CFAP70: variants seen among roughly 807,000 people sequenced by gnomAD.
CFAP70 encodes cilia and flagella associated protein 70, also known as cilia- and flagella-associated protein 70.
In CFAP70, 81 loss-of-function variants were observed where a neutral mutation model predicts 137.6. That is an observed-to-expected ratio of 0.59 (90% confidence interval 0.49 to 0.71). The LOEUF (loss-of-function observed/expected upper bound fraction) is 0.71, where lower values mean the gene tolerates loss of function less well. Ranked by LOEUF, CFAP70 falls within the 30% of genes least tolerant of loss-of-function variation. The probability of loss-of-function intolerance (pLI) is 0.00; values close to 1 mark genes in which losing one functional copy is unlikely to be tolerated. For missense variants in CFAP70, 976 were observed against 1,226.7 expected, an observed-to-expected ratio of 0.80 and a Z score of 3.05; for synonymous variants, 382 against 423.6, an observed-to-expected ratio of 0.90 and a Z score of 1.20.
exon 6 of CFAP70, chr10:73,341,406 T>C: frequency 6.2e-7 from 1 of 1,611,438 alleles, no homozygotes; most frequent in Non-Finnish European, 8.5e-7. Context: ...CACCTCAGGA[T>C]GGTTGAGTTC....
Position 73,275,402 on chromosome 10 carries a change from A to G in CFAP70, c.2673+44T>C. 3 of 1,535,708 alleles carry G rather than the reference A, an allele frequency of 2.0e-6. No homozygotes were observed. Among genetic ancestry groups the G allele is most frequent in the Non-Finnish European group, 1.7e-6 (2 of 1,146,162 alleles). ...GATATGGCATCACCACCTTTAAATA[A>G]AGCCCCTTCTCCAGACTCAAGAGGC... On this transcript the variant is annotated intron_variant, in intron 22 of 26. Transcript: ENST00000310715. This position sits in a 1 kb window ranked among gnomAD's most constrained non-coding sequence, Gnocchi z 4.0.
chr10:73,277,822 C>G (rs2046901034), intron 20 of CFAP70, among the ~76,000 whole-genome samples: 1 of 152,220 alleles, frequency 6.6e-6, no homozygotes, highest in Non-Finnish European at 1.5e-5. Context: ...TAGCAATGGT[C>G]CCCAAAAAGG....
Position 73,323,116 on chromosome 10 carries a change from A to C in CFAP70, c.778-19T>G. 6.2e-7 allele frequency: 1 copy of C among 1,600,900 alleles called. No individual in the cohort carries two copies. The highest frequency in any genetic ancestry group is 8.5e-7 in the Non-Finnish European group (1 of 1,175,086). On this transcript the variant is annotated intron_variant, in intron 8 of 26. Transcript: ENST00000310715. The stretch of plus-strand genomic sequence containing the variant: ...CATCAGTCTAAAGGAATAAAACCAG[A>C]GAGTTGTTAGTGCTATAAGCAATGT...
At chr10:73,312,567 G>A (rs766866421) in exon 10 of CFAP70, 2 of 1,611,916 alleles carry the variant, frequency 1.2e-6, no homozygotes, top group Non-Finnish European at 1.7e-6. Context: ...GGACAGCAGA[G>A]AATTAATTCC....
chr10:73,347,957 T>C (rs560436714), intron 4 of CFAP70, among the ~76,000 whole-genome samples, 199 bp downstream of exon 5: 1 of 152,364 alleles, frequency 6.6e-6, no homozygotes, highest in African/African-American at 2.4e-5. Context: ...CACTGGGTTA[T>C]AGTCTATGAT....
chr10:73,277,331 A>G, exon 21 of CFAP70: 1 of 1,614,120 alleles, frequency 6.2e-7, no homozygotes, highest in Non-Finnish European at 8.5e-7. Context: ...GGGATGCAGA[A>G]GAGCTGATGA....
intron 9 of CFAP70, among the ~76,000 whole-genome samples, chr10:73,315,314 C>A (rs1165810684): frequency 6.6e-6 from 1 of 151,616 alleles, no homozygotes; most frequent in Non-Finnish European, 1.5e-5. Flanking sequence ...GATTTTACAT[C>A]ATTAGTAGTT....
intron 3 of CFAP70, among the ~76,000 whole-genome samples, chr10:73,350,232 C>T (rs531898776): frequency 5.3e-5 from 8 of 152,252 alleles, no homozygotes; most frequent in Admixed American, 3.9e-4. Context: ...TGTTTTATTC[C>T]TCATAGTATT....
In CFAP70 at chr10:73,348,782, G is replaced by A. The variant is rs563012809; in HGVS notation, c.251-261C>T. Among the ~76,000 whole-genome samples the A allele has an allele frequency of 4.6e-5, 7 of 152,292 alleles. No individual in the cohort carries two copies. In the East Asian group the frequency reaches 5.8e-4, roughly 13 times the overall value. ...ATGCATGTGTATAAAAGTAACTGAG[G>A]CTGGGCGTGGTGGCTCACACCTGTA... On this transcript the variant is annotated intron_variant, in intron 3 of 26. Transcript: ENST00000310715.
At chr10:73,353,285 G>A (rs1281289965) in intron 3 of CFAP70, among the ~76,000 whole-genome samples, 4 of 152,128 alleles carry the variant, frequency 2.6e-5, no homozygotes, top group Admixed American at 2.0e-4. Context: ...AAGGTTTTCT[G>A]TCCTTGTGAG....
chr10:73,257,574 G>C (rs989460540), intron 25 of CFAP70, among the ~76,000 whole-genome samples: 8 of 152,178 alleles, frequency 5.3e-5, no homozygotes, highest in Admixed American at 4.6e-4. Flanking sequence ...TCTGATTAAT[G>C]CTAGTCCATA....
At chr10:73,272,357 A>G (rs531574753) in intron 24 of CFAP70, among the ~76,000 whole-genome samples, 1 of 152,204 alleles carries the variant, frequency 6.6e-6, no homozygotes, top group African/African-American at 2.4e-5. Flanking sequence ...AAATAAATAA[A>G]TAAATAAATA....
chr10:73,255,091 T>C (rs2044337732), intron 26 of CFAP70, among the ~76,000 whole-genome samples: 1 of 152,060 alleles, frequency 6.6e-6, no homozygotes, highest in South Asian at 2.1e-4. Flanking sequence ...AGCAAAACCC[T>C]GTCTCTATGA....
intron 7 of CFAP70, among the ~76,000 whole-genome samples, chr10:73,335,065 T>C (rs571669544): frequency 0.089 from 12,791 of 143,692 alleles, 663 homozygotes; most frequent in East Asian, 0.27. Flanking sequence ...TTCTTCTTTT[T>C]TTTTTTTTTT....
At position 73,299,679 on chromosome 10, in the gene CFAP70, GA is replaced by G. The variant is rs1564806686; in HGVS notation, c.1257-15del. On this transcript the variant is annotated splice_polypyrimidine_tract_variant and intron_variant, in intron 12 of 26. Coordinates refer to ENST00000310715, the Ensembl canonical transcript of CFAP70. ...ATTTCCTTGACCCTGTATCAGGAAA[GA>G]AAAAAAATAAAAAAACAAAAAAAAA... 9.4e-6 allele frequency: 15 copies of G among 1,589,598 alleles called. No individual in the cohort carries two copies. The highest frequency in any genetic ancestry group is 5.7e-5 in the South Asian group (5 of 87,052).
rs981042403 is a variant in CFAP70, at chr10:73,324,898, T to C, written c.778-1801A>G. Among the ~76,000 whole-genome samples, 874 of 152,290 alleles carry C rather than the reference T, an allele frequency of 5.7e-3. 8 individuals are homozygous for C. Among genetic ancestry groups the C allele is most frequent in the African/African-American group, 0.02 (822 of 41,552 alleles). Reference sequence around the variant, plus strand: ...AAGTGACAGGGAGAATGGAACCAAGTTGGAAAACACTCTGCAGGATATCAT... The same window carrying C: ...AAGTGACAGGGAGAATGGAACCAAGCTGGAAAACACTCTGCAGGATATCAT... On this transcript the variant is annotated intron_variant, in intron 8 of 26. Coordinates refer to ENST00000310715, the Ensembl canonical transcript of CFAP70.
chr10:73,323,273 G>A (rs2051044862), intron 8 of CFAP70, among the ~76,000 whole-genome samples, 176 bp from the exon 10 acceptor site: 1 of 140,572 alleles, frequency 7.1e-6, no homozygotes, highest in Admixed American at 7.8e-5. Flanking sequence ...CTTCAAAATG[G>A]GTTTAATAAT....
At chr10:73,255,799 C>G (rs1029607989) in intron 26 of CFAP70, among the ~76,000 whole-genome samples, 1 of 152,094 alleles carries the variant, frequency 6.6e-6, no homozygotes, top group African/African-American at 2.4e-5. Context: ...CCCACCTCAG[C>G]CTCCCAAAGT....
chr10:73,342,996 G>A (rs1442190578), intron 5 of CFAP70, among the ~76,000 whole-genome samples: 1 of 151,840 alleles, frequency 6.6e-6, no homozygotes, highest in Non-Finnish European at 1.5e-5. Flanking sequence ...GGATCACAAG[G>A]TCAGGAGATC....
Sources: allele counts gnomAD v4.1 joint callset (sites outside exome capture counted in the v4.1 genomes callset), GRCh38; gene constraint gnomAD v4.1.1; non-coding constraint Gnocchi (gnomAD v3.1); transcripts MANE v1.5; gene names NCBI Gene and HGNC (gene_info 2026-07-23, HGNC 2026-07-21).